The following ADGRL2 variants were observed in gnomAD, a reference collection of about 807,000 sequenced individuals.
ADGRL2 encodes the protein calcium-independent alpha-latrotoxin receptor 2.
ADGRL2 carries 44 observed loss-of-function variants against 157.4 expected under a neutral mutation model. The ratio of observed to expected loss-of-function variants is 0.28; its 90% CI spans 0.22 to 0.36. The LOEUF is 0.36. Ranked by LOEUF, ADGRL2 falls within the 10% of genes least tolerant of loss-of-function variation. The pLI is 1.00. For missense variants in ADGRL2, 1,510 were observed against 1,768.9 expected, an observed-to-expected ratio of 0.85 and a Z score of 2.63; for synonymous variants, 585 against 624.7, an observed-to-expected ratio of 0.94 and a Z score of 0.95.
intron 3 of ADGRL2, among the ~76,000 whole-genome samples, chr1:81,635,971 C>T (rs961349394): frequency 1.3e-5 from 2 of 152,208 alleles, no homozygotes; most frequent in African/African-American, 4.8e-5. Flanking sequence ...TCACACTCAG[C>T]ACATATCCCA....
intron 1 of ADGRL2, chr1:81,414,097 A>G (rs1007282008): frequency 1.3e-5 from 2 of 152,124 alleles, no homozygotes; most frequent in African/African-American, 2.4e-5. Flanking sequence ...CTGGCTCCCC[A>G]CTCTGTGCTG....
chr1:81,323,411 ATTTTTTTT>A (rs138358062), intron 1 of ADGRL2, among the ~76,000 whole-genome samples: 1 of 109,744 alleles, frequency 9.1e-6, no homozygotes, highest in African/African-American at 3.6e-5. Context: ...GACTAATTCA[ATTTTTTTT>A]TTTTTTTTTT....
intron 2 of ADGRL2, among the ~76,000 whole-genome samples, chr1:81,573,031 G>C (rs1469346729): frequency 2.0e-5 from 3 of 151,674 alleles, no homozygotes; most frequent in African/African-American, 7.3e-5. Context: ...TTATAATCTA[G>C]GAGGGCTAAC....
chr1:81,751,804 C>T lies in ADGRL2; in HGVS notation c.-142-10007C>T, dbSNP rs113325082. Among the ~76,000 whole-genome samples, 496 of 152,210 alleles carry T rather than the reference C, an allele frequency of 3.3e-3. 3 individuals are homozygous for T. Among genetic ancestry groups the T allele is most frequent in the African/African-American group, 0.011 (458 of 41,534 alleles). On this transcript the variant is annotated intron_variant, in intron 1 of 20. Coordinates refer to the ADGRL2 transcript ENST00000359929. ...AATAATAAGTATCATATCATGTTGA[C>T]ACATTACTCTCAAATAATTCTGAAA...
intron 3 of ADGRL2, among the ~76,000 whole-genome samples, chr1:81,594,405 G>T (rs568065488): frequency 1.4e-4 from 22 of 152,244 alleles, no homozygotes; most frequent in African/African-American, 5.1e-4. Flanking sequence ...CTAAGAAAAT[G>T]CATGCCAATG....
intron 1 of ADGRL2, among the ~76,000 whole-genome samples, chr1:81,804,532 T>A (rs570883992): frequency 1.3e-5 from 2 of 152,278 alleles, no homozygotes; most frequent in Non-Finnish European, 2.9e-5. Flanking sequence ...AGGGTAAAAA[T>A]AGGGAGGTGG....
chr1:81,696,646 G>T (rs1318407145), upstream of ADGRL2, among the ~76,000 whole-genome samples: 4 of 152,140 alleles, frequency 2.6e-5, no homozygotes, highest in Non-Finnish European at 5.9e-5. Flanking sequence ...CAGCTACTCG[G>T]GAGGCTGAGG....
chr1:81,800,737 GAGCGCGCGGAGGACCC>G (rs1217486523), upstream of ADGRL2, among the ~76,000 whole-genome samples: 3 of 151,758 alleles, frequency 2.0e-5, no homozygotes, highest in Non-Finnish European at 4.4e-5. Context: ...CGCGCCGGCG[GAGCGCGCGGAGGACCC>G]AGCGCGCAGT....
At chr1:81,861,501 C>T (rs974922643) in intron 2 of ADGRL2, among the ~76,000 whole-genome samples, 1 of 152,136 alleles carries the variant, frequency 6.6e-6, no homozygotes, top group Admixed American at 6.6e-5. Context: ...AAAGGTGTTA[C>T]CGTGCAGTGT....
At chr1:81,661,997 T>A (rs1192386117) in intron 3 of ADGRL2, among the ~76,000 whole-genome samples, 1 of 151,036 alleles carries the variant, frequency 6.6e-6, no homozygotes, top group African/African-American at 2.4e-5. Context: ...ACTTAAGAGT[T>A]TTTTTTTTAA....
upstream of ADGRL2, among the ~76,000 whole-genome samples, chr1:81,699,394 T>C (rs946306877): frequency 2.0e-5 from 3 of 152,182 alleles, no homozygotes; most frequent in African/African-American, 7.2e-5. Flanking sequence ...GCAATGAGCA[T>C]TGTGTACTAC....
chr1:81,910,927 C>A (rs1254708560), intron 3 of ADGRL2, among the ~76,000 whole-genome samples: 5 of 151,330 alleles, frequency 3.3e-5, no homozygotes, highest in Admixed American at 2.0e-4. Flanking sequence ...AGCCCCCCTT[C>A]CTTTTTTTTT....
intron 3 of ADGRL2, among the ~76,000 whole-genome samples, chr1:81,669,485 T>TGAAG (rs1553137721): frequency 6.6e-6 from 1 of 151,606 alleles, no homozygotes; most frequent in Non-Finnish European, 1.5e-5. Flanking sequence ...CAAGTATTTA[T>TGAAG]TATTTACTGT....
chr1:81,943,689 G>A lies in ADGRL2; in HGVS notation c.1130G>A (p.Arg377Lys). Residue 377 changes from arginine (R) to lysine (K), a missense_variant, in exon 6 of 24, where the codon AGA (arginine) becomes AAA (lysine). Coordinates refer to ENST00000686636, the MANE Select transcript of ADGRL2 (RefSeq NM_001366006.2). The surrounding 1 kb of genome is among the most constrained non-coding windows in gnomAD (Gnocchi z 5.6). Reference protein sequence around the residue: ...QYIAAVDYNPRDNQLYVWNNN... With the variant: ...QYIAAVDYNPKDNQLYVWNNN... ...ATTGCTGCAGTGGATTACAATCCAA[G>A]AGATAACCAACTTTACGTGTGGAAC... is the stretch of plus-strand genomic sequence containing the variant. The A allele has an allele frequency of 6.2e-7, 1 of 1,613,606 alleles. No homozygotes were observed. Among genetic ancestry groups the A allele is most frequent in the East Asian group, 2.2e-5 (1 of 44,860 alleles).
In ADGRL2 at chr1:81,310,482, T is replaced by G. The variant is rs557189887; in HGVS notation, c.-302+3973T>G. ...GTGGCAGAAGTTTGCAGAACATGGG[T>G]CAGTAGCAATTGAGCAAGCTACACA... On this transcript the variant is annotated intron_variant, in intron 1 of 24. Transcript: ENST00000370721. Among the ~76,000 whole-genome samples, 4 of 152,224 alleles carry G rather than the reference T, an allele frequency of 2.6e-5. No individual in the cohort carries two copies. The South Asian group carries it at 8.3e-4, about 32-fold the overall frequency.
chr1:81,888,173 C>G (rs957697638), intron 2 of ADGRL2, among the ~76,000 whole-genome samples: 1 of 152,100 alleles, frequency 6.6e-6, no homozygotes, highest in Admixed American at 6.5e-5. Context: ...CAATAAGTTA[C>G]AAGAATTTCA....
intron 2 of ADGRL2, among the ~76,000 whole-genome samples, chr1:81,533,892 G>A (rs913660700): frequency 2.6e-5 from 4 of 152,130 alleles, no homozygotes; most frequent in Non-Finnish European, 5.9e-5. Context: ...CCATTTGTGT[G>A]AGTCTTGACG....
chr1:81,345,713 G>A (rs1222226580), intron 1 of ADGRL2, among the ~76,000 whole-genome samples: 1 of 151,894 alleles, frequency 6.6e-6, no homozygotes, highest in Non-Finnish European at 1.5e-5. Flanking sequence ...AAGAATGAGA[G>A]AAAAAGAGAG....
chr1:81,472,485 GC>G (rs1458271660), intron 2 of ADGRL2, among the ~76,000 whole-genome samples: 5 of 152,170 alleles, frequency 3.3e-5, no homozygotes, highest in Non-Finnish European at 7.3e-5. Flanking sequence ...CAAAAAATTA[GC>G]CGGGGGTGGT....
Sources: gnomAD v4.1 joint callset for allele counts (sites outside exome capture counted in the v4.1 genomes callset) on GRCh38, gnomAD v4.1.1 for gene constraint, Gnocchi (gnomAD v3.1) non-coding constraint, MANE v1.5 for transcripts, NCBI Gene and HGNC (gene_info 2026-07-23, HGNC 2026-07-21) for gene names.